Variants in IGSF11 observed in about 807,000 individuals in gnomAD.
The protein encoded by IGSF11 is CXADR like 1.
In IGSF11, 22 loss-of-function variants were observed where a neutral mutation model predicts 41.0. That is an observed-to-expected ratio of 0.54 (90% CI 0.38 to 0.77). IGSF11 has a LOEUF of 0.77. Ranked by LOEUF, IGSF11 falls within the 30% of genes least tolerant of loss-of-function variation. The pLI, the probability that IGSF11 is intolerant of heterozygous loss-of-function variation, is 0.00. For missense variants in IGSF11, 444 were observed against 530.8 expected (o/e 0.84, Z 1.61); for synonymous variants, 219 against 201.3 (o/e 1.09, Z -0.74).
intron 1 of IGSF11, among the ~76,000 whole-genome samples, chr3:119,130,403 C>G (rs553320611): frequency 6.6e-6 from 1 of 152,348 alleles, no homozygotes; most frequent in African/African-American, 2.4e-5. Flanking sequence ...CCAGGAGATT[C>G]TCTCCTGTGC....
intron 1 of IGSF11, among the ~76,000 whole-genome samples, chr3:119,021,791 G>C (rs1939315592): frequency 6.6e-6 from 1 of 151,936 alleles, no homozygotes; most frequent in Non-Finnish European, 1.5e-5. Context: ...TTATAGTCAA[G>C]ACACAAAAAA....
chr3:119,015,947 A>G (rs1000107436), intron 1 of IGSF11, among the ~76,000 whole-genome samples: 12 of 152,214 alleles, frequency 7.9e-5, no homozygotes, highest in African/African-American at 2.2e-4. Flanking sequence ...CAACCAGAAG[A>G]AAACATGAAC....
chr3:119,121,654 T>C (rs2077334754), intron 1 of IGSF11, among the ~76,000 whole-genome samples: 1 of 151,776 alleles, frequency 6.6e-6, no homozygotes, highest in Non-Finnish European at 1.5e-5. Context: ...GAAAGAAAAT[T>C]TGTGACTAAA....
At chr3:119,124,311 G>A (rs569899899) in intron 1 of IGSF11, among the ~76,000 whole-genome samples, 12 of 126,080 alleles carry the variant, frequency 9.5e-5, no homozygotes, top group Admixed American at 7.7e-4. Flanking sequence ...TTGTCACCCA[G>A]TCTGGAGTGC....
chr3:119,059,807 C>A (rs1941996121), intron 1 of IGSF11, among the ~76,000 whole-genome samples: 1 of 152,010 alleles, frequency 6.6e-6, no homozygotes, highest in South Asian at 2.1e-4. Flanking sequence ...AACCAGGAAG[C>A]AATTACATAA....
At chr3:119,062,494 T>C (rs1234142833) in intron 1 of IGSF11, among the ~76,000 whole-genome samples, 2 of 152,226 alleles carry the variant, frequency 1.3e-5, no homozygotes, top group Non-Finnish European at 2.9e-5. Flanking sequence ...AATCCTGCTA[T>C]GATGTGTTGA....
At chr3:119,013,527 A>G (rs1232961560) in intron 1 of IGSF11, among the ~76,000 whole-genome samples, 1 of 152,246 alleles carries the variant, frequency 6.6e-6, no homozygotes, top group Non-Finnish European at 1.5e-5. Context: ...TAAGTTTCCC[A>G]ATGAATTTTG....
At chr3:118,946,087 T>C (rs1282599488) in intron 1 of IGSF11, 1 of 152,056 alleles carries the variant, frequency 6.6e-6, no homozygotes, top group East Asian at 1.9e-4. Flanking sequence ...TTTAACCTTA[T>C]TGTGCTTTTC....
At chr3:119,119,980 A>G (rs56130435) in intron 1 of IGSF11, among the ~76,000 whole-genome samples, 35,503 of 152,138 alleles carry the variant, frequency 0.23, 5,060 homozygotes, top group Middle Eastern at 0.38. Context: ...GAATTTTAAA[A>G]AGCTCAAACA....
intron 4 of IGSF11, among the ~76,000 whole-genome samples, chr3:118,924,672 A>G (rs1942131503): frequency 6.6e-6 from 1 of 152,148 alleles, no homozygotes. Context: ...AGAAATAAAG[A>G]GGTTATGGAA....
chr3:118,931,275 A>G (rs1273947611), intron 1 of IGSF11, among the ~76,000 whole-genome samples: 1 of 152,244 alleles, frequency 6.6e-6, no homozygotes. Context: ...CGTAACATAC[A>G]AGTAGTCAGC....
At chr3:119,055,439 A>T (rs1028416182) in intron 1 of IGSF11, among the ~76,000 whole-genome samples, 8 of 152,290 alleles carry the variant, frequency 5.3e-5, no homozygotes, top group African/African-American at 1.9e-4. Flanking sequence ...ATACATATGC[A>T]CCCAATACAG....
intron 1 of IGSF11, among the ~76,000 whole-genome samples, chr3:118,993,815 T>C (rs1019009251): frequency 3.3e-5 from 5 of 152,144 alleles, no homozygotes; most frequent in Non-Finnish European, 7.4e-5. Context: ...CAAGTCTATA[T>C]AGATAGAAAC....
chr3:118,979,073 A>G (rs1414533267), intron 1 of IGSF11, among the ~76,000 whole-genome samples: 2 of 152,186 alleles, frequency 1.3e-5, no homozygotes, highest in African/African-American at 4.8e-5. Context: ...TGGGAAATTA[A>G]CCAAAGAGAT....
At chr3:119,076,482 G>A (rs891820305) in intron 1 of IGSF11, among the ~76,000 whole-genome samples, 10 of 152,120 alleles carry the variant, frequency 6.6e-5, no homozygotes, top group East Asian at 1.9e-4. Flanking sequence ...GCAACCTACA[G>A]AATGGGAGAA....
intron 1 of IGSF11, among the ~76,000 whole-genome samples, chr3:118,968,019 C>A (rs568439378): frequency 6.6e-6 from 1 of 152,262 alleles, no homozygotes; most frequent in African/African-American, 2.4e-5. Context: ...AACCAAAAAG[C>A]ACCTCAGATA....
chr3:119,012,436 T>C (rs1938239164), intron 1 of IGSF11, among the ~76,000 whole-genome samples: 2 of 152,210 alleles, frequency 1.3e-5, no homozygotes, highest in Non-Finnish European at 2.9e-5. Flanking sequence ...GTGGCTTAGT[T>C]TGTGCTCAGA....
At chr3:119,138,510 T>G (rs1207754583) in intron 1 of IGSF11, among the ~76,000 whole-genome samples, 2 of 152,002 alleles carry the variant, frequency 1.3e-5, no homozygotes, top group African/African-American at 4.8e-5. Context: ...CATGGTGAAA[T>G]CCCATCTCTA....
chr3:119,093,460 A>C (rs2076797605), intron 1 of IGSF11, among the ~76,000 whole-genome samples: 1 of 151,686 alleles, frequency 6.6e-6, no homozygotes, highest in Non-Finnish European at 1.5e-5. Flanking sequence ...AACACTTCTT[A>C]GGAAAAATTT....
Sources: gnomAD v4.1 joint callset for allele counts (sites outside exome capture counted in the v4.1 genomes callset) on GRCh38, gnomAD v4.1.1 for gene constraint, MANE v1.5 for transcripts, NCBI Gene and HGNC (gene_info 2026-07-23, HGNC 2026-07-21) for gene names.